Variants in BCL11A observed in about 807,000 individuals in gnomAD.
The protein encoded by BCL11A is BCL11 transcription factor A.
Under a neutral mutation model 55.9 loss-of-function variants are expected in BCL11A, and 2 were observed. The ratio of observed to expected loss-of-function variants is 0.04; its 90% CI spans 0.01 to 0.11. The LOEUF is 0.11. Among genes scored for constraint, BCL11A ranks in the 10% least tolerant of loss-of-function variants. The pLI, the probability that BCL11A is intolerant of heterozygous loss-of-function variation, is 1.00. For missense variants in BCL11A, 817 were observed against 1,137.1 expected, an observed-to-expected ratio of 0.72 and a Z score of 4.05; for synonymous variants, 465 against 473.4, an observed-to-expected ratio of 0.98 and a Z score of 0.23.
intron 2 of BCL11A, among the ~76,000 whole-genome samples, chr2:60,530,188 G>A (rs772432528): frequency 9.9e-5 from 15 of 152,086 alleles, no homozygotes; most frequent in South Asian, 2.1e-4. Context: ...TCCTGCCCAG[G>A]AAAGGCTGCG....
At chr2:60,474,835 A>G (rs1311446735) in intron 2 of BCL11A, among the ~76,000 whole-genome samples, 1 of 152,250 alleles carries the variant, frequency 6.6e-6, no homozygotes, top group Admixed American at 6.5e-5. Context: ...GAAAACACGG[A>G]CACAGATTTC....
chr2:60,453,210 A>G (rs1675798914), downstream of BCL11A: 1 of 152,270 alleles, frequency 6.6e-6, no homozygotes, highest in African/African-American at 2.4e-5. Flanking sequence ...AACCCAAAAG[A>G]GTTGCTCTCA....
intron 2 of BCL11A, among the ~76,000 whole-genome samples, chr2:60,505,711 G>A (rs1206794251): frequency 1.3e-5 from 2 of 152,194 alleles, no homozygotes; most frequent in Non-Finnish European, 2.9e-5. Flanking sequence ...CCGGAAGCAG[G>A]GGACACAGCT....
intron 2 of BCL11A, among the ~76,000 whole-genome samples, chr2:60,538,941 T>A (rs1023008616): frequency 6.6e-6 from 1 of 152,184 alleles, no homozygotes; most frequent in Non-Finnish European, 1.5e-5. Flanking sequence ...CAAATTATGT[T>A]GCATTTCTCC....
intron 2 of BCL11A, among the ~76,000 whole-genome samples, chr2:60,484,742 C>A (rs549705645): frequency 6.6e-6 from 1 of 151,962 alleles, no homozygotes; most frequent in South Asian, 2.1e-4. Context: ...AGAAAAAATG[C>A]ACATGGGCTG....
At chr2:60,517,397 C>T (rs1668781879) in intron 2 of BCL11A, among the ~76,000 whole-genome samples, 1 of 152,182 alleles carries the variant, frequency 6.6e-6, no homozygotes, top group Non-Finnish European at 1.5e-5. Flanking sequence ...GCAGAGAAAA[C>T]AGGGAAAGGA....
At chr2:60,506,061 T>C (rs561258905) in intron 2 of BCL11A, among the ~76,000 whole-genome samples, 35 of 152,300 alleles carry the variant, frequency 2.3e-4, no homozygotes, top group African/African-American at 7.9e-4. Flanking sequence ...TGCGAGAAGA[T>C]AGTGAATCAC....
At chr2:60,496,722 A>G (rs763316099) in intron 2 of BCL11A, 3 of 152,320 alleles carry the variant, frequency 2.0e-5, no homozygotes, top group African/African-American at 4.8e-5. Context: ...ACTTACTTAC[A>G]TGCCAGGACA....
chr2:60,457,536 C>T lies in BCL11A; in HGVS notation c.*2868G>A, dbSNP rs1675994898. Reference sequence around the variant, plus strand: ...TAGAAAAGGCCAATAACAAAATATTCTGCATTGCCATTTACAAAAAAGTAT... The same window carrying T: ...TAGAAAAGGCCAATAACAAAATATTTTGCATTGCCATTTACAAAAAAGTAT... On this transcript the variant is annotated 3_prime_UTR_variant, in exon 4 of 4. Coordinates refer to ENST00000642384, the MANE Select transcript of BCL11A (RefSeq NM_022893.4). 1 of 1,046,584 alleles carries T rather than the reference C, an allele frequency of 9.6e-7. No homozygotes were observed. The highest frequency in any genetic ancestry group is 1.7e-5 in the African/African-American group (1 of 60,136). 64.8% of individuals were successfully genotyped at this position (1,046,584 alleles called of 1,614,324 possible).
exon 5 of BCL11A, chr2:60,451,208 A>G (rs1056139607): frequency 1.4e-4 from 29 of 212,914 alleles, no homozygotes; most frequent in East Asian, 1.4e-4. Context: ...GAAATAATTC[A>G]CATGCCAATT....
Position 60,457,886 on chromosome 2 carries a change from A to G in BCL11A, c.*2518T>C. ...ATGACAGCCATCCATGTGACATTCT[A>G]GCAGGCTCCCCCAAACCGCCATTAT... On this transcript the variant is annotated 3_prime_UTR_variant, in exon 4 of 4. Coordinates refer to ENST00000642384, the MANE Select transcript of BCL11A (RefSeq NM_022893.4). The G allele has an allele frequency of 3.8e-6, 4 of 1,049,298 alleles. No individual in the cohort carries two copies. The South Asian group carries it at 1.8e-4, about 48-fold the overall frequency. The allele number at this position is 1,049,298 out of a possible 1,614,324, so 65.0% of individuals were successfully genotyped here. A position where few individuals can be genotyped will look rare whatever the true frequency, so the allele number is the denominator to read the frequency against.
intron 2 of BCL11A, among the ~76,000 whole-genome samples, chr2:60,479,888 G>A (rs1396431452): frequency 6.6e-6 from 1 of 152,210 alleles, no homozygotes; most frequent in East Asian, 1.9e-4. Context: ...AAACGCTTCT[G>A]TCCCTCCCTT....
At chr2:60,548,755 C>T (rs1021291593) in intron 1 of BCL11A, among the ~76,000 whole-genome samples, 3 of 152,016 alleles carry the variant, frequency 2.0e-5, no homozygotes, top group Non-Finnish European at 2.9e-5. Context: ...CAGAGAAATA[C>T]CAAAACGTGT....
chr2:60,474,503 C>T (rs1360834305), intron 2 of BCL11A, among the ~76,000 whole-genome samples: 1 of 152,204 alleles, frequency 6.6e-6, no homozygotes, highest in Non-Finnish European at 1.5e-5. Flanking sequence ...CAATAATATT[C>T]TTTGGCTCTG....
At chr2:60,476,242 C>T (rs1319603316) in intron 2 of BCL11A, among the ~76,000 whole-genome samples, 1 of 152,200 alleles carries the variant, frequency 6.6e-6, no homozygotes, top group Non-Finnish European at 1.5e-5. Flanking sequence ...ATTTCAACCT[C>T]CTGGGACACA....
At position 60,460,124 on chromosome 2, in the gene BCL11A, A is replaced by G. The variant is rs180821769; in HGVS notation, c.*280T>C. On this transcript the variant is annotated 3_prime_UTR_variant, in exon 4 of 4. Coordinates refer to ENST00000642384, the MANE Select transcript of BCL11A (RefSeq NM_022893.4). ...CAAAGTTTGCGTAAAATGCAATAGT[A>G]TTGCCCCATACAGATCATGCATTCA... 1.1e-3 allele frequency: 1,304 copies of G among 1,161,424 alleles called. 2 individuals carry two copies. Among genetic ancestry groups the G allele is most frequent in the Non-Finnish European group, 1.3e-3 (1,219 of 942,596 alleles). 71.9% of individuals were successfully genotyped at this position (1,161,424 alleles called of 1,614,324 possible). A position where few individuals can be genotyped will look rare whatever the true frequency, so the allele number is the denominator to read the frequency against.
At chr2:60,505,265 A>G (rs562688528) in intron 2 of BCL11A, among the ~76,000 whole-genome samples, 30 of 152,310 alleles carry the variant, frequency 2.0e-4, no homozygotes, top group Admixed American at 1.2e-3. Flanking sequence ...AAAAGAAGGG[A>G]CGGATACTCA....
chr2:60,459,320 T>G lies in BCL11A; in HGVS notation c.*1084A>C, dbSNP rs1180821094. 1 of 1,016,642 alleles carries G rather than the reference T, an allele frequency of 9.8e-7. No individual in the cohort carries two copies. The highest frequency in any genetic ancestry group is 1.2e-6 in the Non-Finnish European group (1 of 847,292). The allele number at this position is 1,016,642 out of a possible 1,614,324, so 63.0% of individuals were successfully genotyped here. On this transcript the variant is annotated 3_prime_UTR_variant, in exon 4 of 4. Transcript: ENST00000642384. ...AAGCAAATATCTTCATAAAATGAAC[T>G]CCTTACTAGTGTATTTAATTGCGTT...
At chr2:60,513,100 G>T (rs1432863949) in intron 2 of BCL11A, among the ~76,000 whole-genome samples, 1 of 152,166 alleles carries the variant, frequency 6.6e-6, no homozygotes, top group Non-Finnish European at 1.5e-5. Flanking sequence ...CAGGGATCAT[G>T]AGGACTCACC....
Sources: gnomAD v4.1 joint callset for allele counts (sites outside exome capture counted in the v4.1 genomes callset) on GRCh38, gnomAD v4.1.1 for gene constraint, MANE v1.5 for transcripts, NCBI Gene and HGNC (gene_info 2026-07-23, HGNC 2026-07-21) for gene names.